The following BRCA1 variants were observed in gnomAD, a reference collection of about 807,000 sequenced individuals.
BRCA1 encodes BRCA1 DNA repair associated.
In BRCA1, 140 loss-of-function variants were observed where a neutral mutation model predicts 173.7. The observed-to-expected ratio is 0.81, with a 90% CI of 0.70 to 0.93. BRCA1 has a LOEUF of 0.93. Ranked by LOEUF, BRCA1 falls within the 40% of genes least tolerant of loss-of-function variation. BRCA1 has a pLI of 0.00. For synonymous variants in BRCA1, 662 were observed against 756.0 expected (o/e 0.88, Z 2.04); for missense variants, 1,983 against 2,172.5 (o/e 0.91, Z 1.73).
At chr17:43,117,770 C>T (rs1567819108) in intron 2 of BRCA1, among the ~76,000 whole-genome samples, 1 of 152,062 alleles carries the variant, frequency 6.6e-6, no homozygotes, top group East Asian at 1.9e-4. Context: ...ATAAAAACTT[C>T]AGAAAATACA....
intron 1 of BRCA1, among the ~76,000 whole-genome samples, chr17:43,155,677 C>T (rs1050481334): frequency 3.4e-4 from 52 of 152,186 alleles, no homozygotes; most frequent in African/African-American, 1.2e-3. Context: ...GGACTACAGG[C>T]GCATGCTGCC....
chr17:43,126,658 G>T (rs2055884351), upstream of BRCA1, among the ~76,000 whole-genome samples: 2 of 152,256 alleles, frequency 1.3e-5, no homozygotes, highest in Admixed American at 1.3e-4. Flanking sequence ...GAGAGTCTGT[G>T]GTTCAGAATG....
rs779704727 is a variant in BRCA1, at chr17:43,099,845, A to G, written c.477T>C (p.Leu159=). Residue 159 remains leucine, a synonymous_variant, in exon 7 of 23, where the codon CTT becomes CTC. Coordinates refer to ENST00000357654, the MANE Select transcript of BRCA1 (RefSeq NM_007294.4). The part of the protein sequence containing the change: ...ETSLSVQLSN[L]GTVRTLRTKQ... ...TTGTCCTCAGAGTTCTCACAGTTCC[A>G]AGGTTAGAGAGTTGGACACTGAGAC... The G allele has an allele frequency of 6.2e-7, 1 of 1,613,784 alleles. No homozygotes were observed. Among genetic ancestry groups the G allele is most frequent in the Non-Finnish European group, 8.5e-7 (1 of 1,179,680 alleles).
chr17:43,045,523 AG>A lies in BRCA1; in HGVS notation c.*154del. 8.3e-7 allele frequency: 1 copy of A among 1,199,852 alleles called. No individual in the cohort carries two copies. The highest frequency in any genetic ancestry group is 1.2e-6 in the Non-Finnish European group (1 of 829,234). The allele number at this position is 1,199,852 out of a possible 1,614,324, so 74.3% of individuals were successfully genotyped here. On this transcript the variant is annotated 3_prime_UTR_variant, in exon 23 of 23. Transcript: ENST00000357654. The stretch of plus-strand genomic sequence containing the variant: ...GAAAATCTTTAAGGGACCCTTGCAT[AG>A]CCAGAAGTCCTTTTCAGGCTGATGT...
chr17:43,167,883 C>T (rs2056278406), intron 1 of BRCA1: 1 of 153,174 alleles, frequency 6.5e-6, no homozygotes, highest in Non-Finnish European at 1.5e-5. Context: ...TTAATCTAAA[C>T]TAGATTCCTG....
At chr17:43,164,901 A>C (rs1212422746) in intron 1 of BRCA1, 1 of 152,168 alleles carries the variant, frequency 6.6e-6, no homozygotes, top group Non-Finnish European at 1.5e-5. Context: ...TAAGGAACTG[A>C]CCTTTTGTTT....
chr17:43,125,015 C>G (rs942193657), intron 1 of BRCA1: 22 of 398,904 alleles, frequency 5.5e-5, no homozygotes, highest in Non-Finnish European at 5.1e-6. Context: ...ATAGTGTCCC[C>G]CTCAAGGCAT....
intron 6 of BRCA1, among the ~76,000 whole-genome samples, chr17:43,101,590 C>T (rs529523935): frequency 2.0e-5 from 3 of 152,144 alleles, no homozygotes; most frequent in South Asian, 2.1e-4. Context: ...GCAACCTCCG[C>T]GTCCTAGGTT....
chr17:43,140,597 AC>A (rs1274410611), intron 1 of BRCA1, among the ~76,000 whole-genome samples: 1 of 151,616 alleles, frequency 6.6e-6, no homozygotes, highest in Non-Finnish European at 1.5e-5. Context: ...CTTTTCTTCC[AC>A]TTCCCTTCTT....
In BRCA1 at chr17:43,102,388, C is replaced by T. The variant is rs10445303; in HGVS notation, c.441+1734G>A. On this transcript the variant is annotated intron_variant, in intron 6 of 22. Coordinates refer to ENST00000357654, the MANE Select transcript of BRCA1 (RefSeq NM_007294.4). Reference sequence around the variant, plus strand: ...TTTTTTTTTTTTTGAGACGGAGTCTCGCTCTGTCGCCAGGCTGGAGTGCAG... The same window carrying T: ...TTTTTTTTTTTTTGAGACGGAGTCTTGCTCTGTCGCCAGGCTGGAGTGCAG... 0.29 allele frequency among the ~76,000 whole-genome samples: 36,063 copies of T among 124,088 alleles called. 5,349 individuals are homozygous for T. Among genetic ancestry groups the T allele is most frequent in the South Asian group, 0.44 (1,517 of 3,476 alleles). 81.4% of individuals were successfully genotyped at this position (124,088 alleles called of 152,430 possible).
intron 1 of BRCA1, chr17:43,164,533 T>C (rs1302160134): frequency 6.6e-6 from 1 of 152,230 alleles, no homozygotes; most frequent in African/African-American, 2.4e-5. Flanking sequence ...TGGTCAGCAA[T>C]AGCACGAGGA....
chr17:43,155,626 G>T (rs1472817823), intron 1 of BRCA1, among the ~76,000 whole-genome samples: 1 of 152,058 alleles, frequency 6.6e-6, no homozygotes, highest in Non-Finnish European at 1.5e-5. Context: ...TCTGCCTCTC[G>T]GATTGAAGTG....
At chr17:43,067,778 G>A in intron 15 of BRCA1, 83 bp from the exon 16 acceptor site, 2 of 1,002,104 alleles carry the variant, frequency 2.0e-6, no homozygotes, top group Non-Finnish European at 1.5e-6. Context: ...CATGGCATAT[G>A]TTTACCTATG....
At chr17:43,146,325 T>TG in intron 1 of BRCA1, among the ~76,000 whole-genome samples, 1 of 119,306 alleles carries the variant, frequency 8.4e-6, no homozygotes, top group South Asian at 3.2e-4. Context: ...TTTTTTTTTT[T>TG]TGAGATGGAG....
upstream of BRCA1, among the ~76,000 whole-genome samples, chr17:43,126,899 A>G (rs799908): frequency 0.45 from 68,694 of 151,910 alleles, 17,305 homozygotes; most frequent in African/African-American, 0.69. Flanking sequence ...CGCGAGTTCC[A>G]GGTGGGCGCG....
chr17:43,077,120 A>G (rs1198604664), intron 12 of BRCA1, among the ~76,000 whole-genome samples: 1 of 152,158 alleles, frequency 6.6e-6, no homozygotes, highest in East Asian at 1.9e-4. Context: ...AGTGTCAGAC[A>G]TGAAAGAAAA....
intron 1 of BRCA1, chr17:43,131,254 A>G: frequency 5.3e-6 from 2 of 376,622 alleles, no homozygotes; most frequent in South Asian, 2.1e-5. Flanking sequence ...AAATACCTGG[A>G]TGAGGAAGAT....
chr17:43,054,270 A>G (rs2051368793), intron 19 of BRCA1, among the ~76,000 whole-genome samples: 1 of 152,212 alleles, frequency 6.6e-6, no homozygotes, highest in African/African-American at 2.4e-5. Context: ...TTTTCTTGGC[A>G]TCTGGAACAA....
intron 9 of BRCA1, among the ~76,000 whole-genome samples, chr17:43,095,580 T>C (rs2054095575): frequency 6.9e-6 from 1 of 145,820 alleles, no homozygotes; most frequent in African/African-American, 2.6e-5. Flanking sequence ...AGACCCCATC[T>C]CAAAAAAAAA....
Sources: gnomAD v4.1 joint callset for allele counts (sites outside exome capture counted in the v4.1 genomes callset) on GRCh38, gnomAD v4.1.1 for gene constraint, MANE v1.5 for transcripts, NCBI Gene and HGNC (gene_info 2026-07-23, HGNC 2026-07-21) for gene names.